The following RBFOX1 variants were observed in gnomAD, a reference collection of about 807,000 sequenced individuals.
RBFOX1 encodes RNA binding protein fox-1 homolog 1.
In RBFOX1, 8 loss-of-function variants were observed where a neutral mutation model predicts 57.7. The observed-to-expected ratio is 0.14, with a 90% CI of 0.08 to 0.25. RBFOX1 has a LOEUF of 0.25. Among genes scored for constraint, RBFOX1 ranks in the 10% least tolerant of loss-of-function variants. RBFOX1 has a pLI of 1.00. For missense variants in RBFOX1, 611 were observed against 548.5 expected, an observed-to-expected ratio of 1.11 and a Z score of -1.14; for synonymous variants, 326 against 222.4, an observed-to-expected ratio of 1.47 and a Z score of -4.15.
At chr16:6,318,477 G>GT (rs1050750117) in intron 2 of RBFOX1, among the ~76,000 whole-genome samples, 1 of 152,126 alleles carries the variant, frequency 6.6e-6, no homozygotes, top group African/African-American at 2.4e-5. Context: ...AGATGCCTTT[G>GT]TTGGTGCTTG....
chr16:7,098,451 T>C (rs1050660686), intron 4 of RBFOX1, among the ~76,000 whole-genome samples: 62 of 152,322 alleles, frequency 4.1e-4, no homozygotes, highest in African/African-American at 1.5e-3. Context: ...ATTACAGGCA[T>C]GAGCTACTGT....
chr16:5,745,046 A>G (rs1393921640), intron 3 of RBFOX1, among the ~76,000 whole-genome samples: 1 of 152,102 alleles, frequency 6.6e-6, no homozygotes, highest in Non-Finnish European at 1.5e-5. Flanking sequence ...TGTACCCATT[A>G]ACTTGTCATT....
At chr16:6,054,397 A>G (rs1419166470) in intron 1 of RBFOX1, among the ~76,000 whole-genome samples, 1 of 152,198 alleles carries the variant, frequency 6.6e-6, no homozygotes, top group Admixed American at 6.5e-5. Context: ...AGTATCAACC[A>G]TTGATTTAAA....
At chr16:7,509,581 G>A (rs920048578) in intron 4 of RBFOX1, among the ~76,000 whole-genome samples, 7 of 152,152 alleles carry the variant, frequency 4.6e-5, no homozygotes, top group African/African-American at 1.7e-4. Flanking sequence ...AGATTACACA[G>A]CCAGTCTGCA....
chr16:5,343,059 A>G (rs895352182), intron 1 of RBFOX1, among the ~76,000 whole-genome samples: 4 of 152,202 alleles, frequency 2.6e-5, no homozygotes, highest in African/African-American at 9.6e-5. Context: ...AGGAGTGGTC[A>G]TACAACCTAG....
At chr16:7,228,581 C>T (rs1322426602) in intron 4 of RBFOX1, among the ~76,000 whole-genome samples, 1 of 152,176 alleles carries the variant, frequency 6.6e-6, no homozygotes, top group East Asian at 1.9e-4. Context: ...TGTCCATGGC[C>T]ACACAGCCGT....
chr16:7,232,776 G>T (rs1264806855), intron 4 of RBFOX1, among the ~76,000 whole-genome samples: 2 of 151,048 alleles, frequency 1.3e-5, no homozygotes, highest in African/African-American at 4.9e-5. Context: ...GGGAGGGGGA[G>T]GTTGCCGTGA....
At chr16:6,950,459 A>G (rs1009748092) in intron 3 of RBFOX1, among the ~76,000 whole-genome samples, 11 of 152,320 alleles carry the variant, frequency 7.2e-5, no homozygotes, top group African/African-American at 2.6e-4. Context: ...AGTGCCTGGC[A>G]CAGAGTAGAT....
chr16:6,020,366 C>T (rs534994691), intron 1 of RBFOX1, among the ~76,000 whole-genome samples: 53 of 152,238 alleles, frequency 3.5e-4, no homozygotes, highest in Admixed American at 2.4e-3. Context: ...TGCAAGCGTG[C>T]ACTCAGCGCG....
At chr16:5,638,763 C>G (rs983792326) in intron 3 of RBFOX1, among the ~76,000 whole-genome samples, 12 of 152,162 alleles carry the variant, frequency 7.9e-5, no homozygotes, top group Non-Finnish European at 1.5e-4. Context: ...GGATCCTGTA[C>G]TGGTTCAGAG....
chr16:6,982,052 G>C (rs4287581), intron 3 of RBFOX1, among the ~76,000 whole-genome samples: 1 of 152,062 alleles, frequency 6.6e-6, no homozygotes, highest in Admixed American at 6.6e-5. Flanking sequence ...TAAAATTTTC[G>C]TAGTTTTTCA....
chr16:7,643,851 G>A (rs1448521592), intron 11 of RBFOX1, among the ~76,000 whole-genome samples: 1 of 152,162 alleles, frequency 6.6e-6, no homozygotes, highest in Non-Finnish European at 1.5e-5. Context: ...TCTAACAGAA[G>A]AAATGGCGGG....
chr16:5,726,340 A>G (rs1274804874), intron 3 of RBFOX1, among the ~76,000 whole-genome samples: 1 of 152,074 alleles, frequency 6.6e-6, no homozygotes, highest in Non-Finnish European at 1.5e-5. Flanking sequence ...GAACCATGCT[A>G]TGACCGGCCC....
intron 12 of RBFOX1, among the ~76,000 whole-genome samples, chr16:7,660,641 G>A (rs2067485785): frequency 6.6e-6 from 1 of 152,208 alleles, no homozygotes; most frequent in Non-Finnish European, 1.5e-5. Context: ...AATAACACTT[G>A]GAGGATGGTG....
At chr16:6,804,293 C>G (rs8058818) in intron 3 of RBFOX1, among the ~76,000 whole-genome samples, 1 of 151,922 alleles carries the variant, frequency 6.6e-6, no homozygotes, top group East Asian at 2.0e-4. Context: ...CAGGCATGAG[C>G]CACCCAGCCC....
Position 6,828,514 on chromosome 16 carries a change from C to A in RBFOX1, c.-16+173864C>A, listed in dbSNP as rs181032219. Among the ~76,000 whole-genome samples, 4 of 150,200 alleles carry A rather than the reference C, an allele frequency of 2.7e-5. No homozygotes were observed. The East Asian group carries it at 7.8e-4, about 29-fold the overall frequency. On this transcript the variant is annotated intron_variant, in intron 3 of 15. Transcript: ENST00000550418. ...ACTCCAGCCTGGCAACAGAGCGAGA[C>A]GTGTCTTTAAAAAAAAAAAAAATCA...
chr16:6,069,753 G>C (rs2095812733), intron 1 of RBFOX1, among the ~76,000 whole-genome samples: 1 of 152,180 alleles, frequency 6.6e-6, no homozygotes, highest in African/African-American at 2.4e-5. Context: ...TTGGGAGGCT[G>C]AGGTGGGCAG....
chr16:6,001,959 C>T (rs1596379575), intron 4 of RBFOX1, among the ~76,000 whole-genome samples: 1 of 146,794 alleles, frequency 6.8e-6, no homozygotes, highest in Non-Finnish European at 1.5e-5. Flanking sequence ...TAATCTATAG[C>T]TCTTAAACCT....
rs1189540152 is a variant in RBFOX1, at chr16:7,490,073, T to G, written c.28-28074T>G. Among the ~76,000 whole-genome samples the G allele has an allele frequency of 3.3e-5, 5 of 152,142 alleles. No individual in the cohort carries two copies. In the East Asian group the frequency reaches 5.8e-4, roughly 18 times the overall value. On this transcript the variant is annotated intron_variant, in intron 4 of 15. Transcript: ENST00000550418. Reference sequence around the variant, plus strand: ...TGATTGCTCCCCCTTTAAATCTGTGTCCCAGCTACATTTAGTGAACATCTT... The same window carrying G: ...TGATTGCTCCCCCTTTAAATCTGTGGCCCAGCTACATTTAGTGAACATCTT...
Sources: gnomAD v4.1 joint callset for allele counts (sites outside exome capture counted in the v4.1 genomes callset) on GRCh38, gnomAD v4.1.1 for gene constraint, MANE v1.5 for transcripts, NCBI Gene and HGNC (gene_info 2026-07-23, HGNC 2026-07-21) for gene names.